Variants in MPDZ observed in about 807,000 individuals in gnomAD.
MPDZ encodes multiple PDZ domain protein.
MPDZ carries 234 observed loss-of-function variants against 239.1 expected under a neutral mutation model. The observed-to-expected ratio is 0.98, with a 90% CI of 0.88 to 1.09. The LOEUF is 1.09. Among genes scored for constraint, MPDZ ranks in the 50% least tolerant of loss-of-function variants. The pLI is 0.00. For synonymous variants in MPDZ, 1,048 were observed against 881.3 expected, an observed-to-expected ratio of 1.19 and a Z score of -3.35; for missense variants, 3,175 against 2,510.0, an observed-to-expected ratio of 1.26 and a Z score of -5.66.
Position 13,190,235 on chromosome 9 carries a change from G to A in MPDZ, c.2033C>T (p.Thr678Ile), listed in dbSNP as rs757519973. 23 of 1,612,466 alleles carry A rather than the reference G, an allele frequency of 1.4e-5. No individual in the cohort carries two copies. The highest frequency in any genetic ancestry group is 1.3e-4 in the Admixed American group (8 of 59,862). ...SETEDPVLAM[T>I]DAGQSTEEVQ... ...CTCTTCTGTACTCTGACCCGCATCA[G>A]TCATCGCCAGCACTGGATCCTCTGT... Residue 678 changes from threonine to isoleucine, a missense_variant, in exon 16 of 47, where the codon ACT becomes ATT. Physicochemically the swap from Thr to Ile is moderately conservative, Grantham distance 89. Transcript: ENST00000319217.
chr9:13,136,116 G>T lies in MPDZ; in HGVS notation c.4359C>A (p.Asn1453Lys). 2 of 1,611,918 alleles carry T rather than the reference G, an allele frequency of 1.2e-6. No individual in the cohort carries two copies. Among genetic ancestry groups the T allele is most frequent in the Non-Finnish European group, 1.7e-6 (2 of 1,178,702 alleles). The change falls in exon 31 of 47, where the codon AAC becomes AAA. Residue 1453 changes from asparagine (N) to lysine (K), a missense_variant. Asn to Lys is a moderately conservative substitution (Grantham distance 94). Coordinates refer to ENST00000319217, the MANE Select transcript of MPDZ (RefSeq NM_001378778.1). The stretch of plus-strand genomic sequence containing the variant: ...CCTCCTTATTTTGAAGATTTTCTGA[G>T]TTAGAAGGCAAAGGTTCTACTGCAT... Reference protein sequence around the residue: ...PGNAVEPLPSNSENLQNKETE... With the variant: ...PGNAVEPLPSKSENLQNKETE...
chr9:13,243,979 T>C (rs1478046033), intron 3 of MPDZ, among the ~76,000 whole-genome samples: 2 of 152,196 alleles, frequency 1.3e-5, no homozygotes, highest in Non-Finnish European at 2.9e-5. Flanking sequence ...GCCTGAGTCA[T>C]CTACATTATT....
chr9:13,265,510 G>A lies in MPDZ; in HGVS notation c.-58+13890C>T, dbSNP rs142520521. On this transcript the variant is annotated intron_variant, in intron 1 of 46. Coordinates refer to ENST00000319217, the MANE Select transcript of MPDZ (RefSeq NM_001378778.1). ...CTTGAACCTGGAAGGCAGAGGCTGC[G>A]GTAAGCCGAGATTGCACCATTGCAC... 5.5e-3 allele frequency among the ~76,000 whole-genome samples: 837 copies of A among 152,208 alleles called. 5 individuals carry two copies. The highest frequency in any genetic ancestry group is 0.018 in the African/African-American group (748 of 41,548).
At chr9:13,264,356 ATATTT>A (rs1971338439) in intron 1 of MPDZ, among the ~76,000 whole-genome samples, 1 of 152,190 alleles carries the variant, frequency 6.6e-6, no homozygotes, top group African/African-American at 2.4e-5. Flanking sequence ...AGAATTATAT[ATATTT>A]TATGATACTT....
At chr9:13,148,507 C>T (rs776132529) in intron 25 of MPDZ, among the ~76,000 whole-genome samples, 5 of 151,930 alleles carry the variant, frequency 3.3e-5, no homozygotes, top group African/African-American at 1.2e-4. Context: ...ACATTATTAT[C>T]TTTAAAAGAA....
intron 8 of MPDZ, 47 bp downstream of exon 8, chr9:13,219,512 A>G: frequency 6.6e-7 from 1 of 1,521,442 alleles, no homozygotes; most frequent in Non-Finnish European, 9.0e-7. Flanking sequence ...GTCGTCATCT[A>G]AGTGTTATTT....
chr9:13,152,013 T>C (rs572033077), intron 24 of MPDZ, among the ~76,000 whole-genome samples: 2 of 152,138 alleles, frequency 1.3e-5, no homozygotes, highest in Non-Finnish European at 2.9e-5. Context: ...CTGTGGCACA[T>C]ACCAGTGTAA....
At chr9:13,206,209 T>G in intron 10 of MPDZ, 110 bp from the exon 11 acceptor site, 4 of 1,017,146 alleles carry the variant, frequency 3.9e-6, no homozygotes, top group Non-Finnish European at 5.6e-6. Context: ...GAATGGAGAA[T>G]AAGTATTCAC....
At chr9:13,244,486 T>C (rs913303554) in intron 3 of MPDZ, among the ~76,000 whole-genome samples, 1 of 152,134 alleles carries the variant, frequency 6.6e-6, no homozygotes, top group East Asian at 1.9e-4. Context: ...ACCAGAGCTA[T>C]TAGAGATTAT....
intron 26 of MPDZ, 40 bp from the exon 27 acceptor site, chr9:13,143,604 GTATTGAAAACAACTCAGTT>G (rs1350280367): frequency 6.6e-7 from 1 of 1,526,050 alleles, no homozygotes; most frequent in Non-Finnish European, 9.1e-7. Context: ...CAAAGGAAAT[GTATTGAAAACAACTCAGTT>G]TTAAAAGCAA....
At chr9:13,221,114 C>T (rs1326966779) in intron 7 of MPDZ, among the ~76,000 whole-genome samples, 1 of 151,942 alleles carries the variant, frequency 6.6e-6, no homozygotes, top group Non-Finnish European at 1.5e-5. Context: ...AAATCCATAA[C>T]CTTGGCTTTA....
chr9:13,187,624 G>A (rs1954300813), intron 17 of MPDZ, among the ~76,000 whole-genome samples: 1 of 151,908 alleles, frequency 6.6e-6, no homozygotes. Flanking sequence ...ATTCTCTGTG[G>A]ACTAAAAAGT....
At chr9:13,254,717 T>C (rs1968999648) in intron 1 of MPDZ, among the ~76,000 whole-genome samples, 1 of 152,224 alleles carries the variant, frequency 6.6e-6, no homozygotes, top group Admixed American at 6.5e-5. Flanking sequence ...CACTACACTG[T>C]AGTCTATTAA....
At chr9:13,227,598 T>C (rs1344476925) in intron 3 of MPDZ, among the ~76,000 whole-genome samples, 1 of 152,116 alleles carries the variant, frequency 6.6e-6, no homozygotes, top group Non-Finnish European at 1.5e-5. Context: ...AGAGTCTGTC[T>C]GTAAGAGATT....
At chr9:13,139,838 G>T in intron 28 of MPDZ, 149 bp downstream of exon 28, 2 of 943,150 alleles carry the variant, frequency 2.1e-6, no homozygotes, top group Non-Finnish European at 3.4e-6. Flanking sequence ...CTGTATTCAA[G>T]CAAAACAAAC....
chr9:13,113,434 T>A (rs540828848), intron 41 of MPDZ, among the ~76,000 whole-genome samples: 3 of 152,264 alleles, frequency 2.0e-5, no homozygotes, highest in Non-Finnish European at 4.4e-5. Flanking sequence ...AGAATATTAG[T>A]CATACTGCAA....
chr9:13,122,263 C>T, intron 36 of MPDZ, 93 bp from the exon 37 acceptor site: 1 of 1,101,654 alleles, frequency 9.1e-7, no homozygotes, highest in Non-Finnish European at 1.4e-6. Flanking sequence ...CTTTGATAGA[C>T]AGCAATAAGG....
chr9:13,224,667 C>A, intron 3 of MPDZ, 84 bp from the exon 4 acceptor site: 2 of 921,124 alleles, frequency 2.2e-6, no homozygotes, highest in East Asian at 5.3e-5. Flanking sequence ...CAAGGACATA[C>A]AAATGAAATT....
At chr9:13,173,182 T>G (rs1226477041) in intron 21 of MPDZ, among the ~76,000 whole-genome samples, 1 of 152,226 alleles carries the variant, frequency 6.6e-6, no homozygotes, top group Non-Finnish European at 1.5e-5. Context: ...AAAAACGTTC[T>G]GGAGATGGAT....
Sources: allele counts gnomAD v4.1 joint callset (sites outside exome capture counted in the v4.1 genomes callset), GRCh38; gene constraint gnomAD v4.1.1; transcripts MANE v1.5; gene names NCBI Gene and HGNC (gene_info 2026-07-23, HGNC 2026-07-21).